Variants in DACH1 observed in about 807,000 individuals in gnomAD.
The protein encoded by DACH1 is dachshund homolog 1.
Under a neutral mutation model 54.2 loss-of-function variants are expected in DACH1, and 12 were observed. The observed-to-expected ratio is 0.22, with a 90% CI of 0.14 to 0.36. The LOEUF is 0.36. Ranked by LOEUF, DACH1 falls within the 10% of genes least tolerant of loss-of-function variation. The pLI is 1.00. For missense variants in DACH1, 805 were observed against 929.8 expected (o/e 0.87, Z 1.75); for synonymous variants, 386 against 366.2 (o/e 1.05, Z -0.62).
intron 1 of DACH1, among the ~76,000 whole-genome samples, chr13:71,848,374 C>G (rs1421385685): frequency 6.6e-6 from 1 of 152,076 alleles, no homozygotes; most frequent in Non-Finnish European, 1.5e-5. Context: ...TGTAATTTTT[C>G]AGAATTCACA....
intron 4 of DACH1, among the ~76,000 whole-genome samples, chr13:71,560,399 T>C (rs1033016144): frequency 4.6e-5 from 7 of 152,144 alleles, no homozygotes; most frequent in Admixed American, 4.6e-4. Flanking sequence ...ATAATAATAA[T>C]ACCAGAGGAG....
At chr13:71,789,923 C>T (rs774710622) in intron 1 of DACH1, among the ~76,000 whole-genome samples, 44 of 152,152 alleles carry the variant, frequency 2.9e-4, no homozygotes, top group Non-Finnish European at 4.9e-4. Flanking sequence ...ATGTCAGTGC[C>T]GGCATACAAA....
chr13:71,454,282 C>A (rs534337701), intron 10 of DACH1, among the ~76,000 whole-genome samples: 1 of 152,148 alleles, frequency 6.6e-6, no homozygotes, highest in Non-Finnish European at 1.5e-5. Flanking sequence ...TGTTCTGATT[C>A]CATTCTCACT....
intron 1 of DACH1, among the ~76,000 whole-genome samples, chr13:71,817,587 G>C (rs1168420390): frequency 6.6e-6 from 1 of 151,980 alleles, no homozygotes; most frequent in Non-Finnish European, 1.5e-5. Context: ...GAAATGTCTG[G>C]GTGGCACATG....
intron 1 of DACH1, among the ~76,000 whole-genome samples, chr13:71,767,454 C>G (rs1885685892): frequency 6.6e-6 from 1 of 152,020 alleles, no homozygotes; most frequent in South Asian, 2.1e-4. Flanking sequence ...GAATCATACA[C>G]TTGACCCATA....
intron 2 of DACH1, chr13:71,675,310 C>T (rs1219118356): frequency 1.2e-6 from 2 of 1,601,102 alleles, no homozygotes; most frequent in African/African-American, 2.7e-5. Flanking sequence ...TAAAACAGAT[C>T]TGCGCTTCCA....
intron 2 of DACH1, among the ~76,000 whole-genome samples, chr13:71,653,993 T>C (rs1487055926): frequency 2.6e-5 from 4 of 152,212 alleles, no homozygotes; most frequent in Non-Finnish European, 4.4e-5. Flanking sequence ...CTGTTAATAA[T>C]TGTACTACAT....
At chr13:71,485,784 T>C (rs1473155475) in intron 7 of DACH1, among the ~76,000 whole-genome samples, 1 of 151,476 alleles carries the variant, frequency 6.6e-6, no homozygotes, top group Admixed American at 6.6e-5. Context: ...GGTTTGACTA[T>C]ATTGGCCAGG....
chr13:71,657,622 G>A (rs369271130), intron 2 of DACH1, among the ~76,000 whole-genome samples: 116 of 147,574 alleles, frequency 7.9e-4, no homozygotes, highest in South Asian at 7.5e-3. Context: ...TCACAATTTC[G>A]TCTGGTGCTC....
chr13:71,803,676 G>A (rs1009786633), intron 1 of DACH1, among the ~76,000 whole-genome samples: 1 of 152,012 alleles, frequency 6.6e-6, no homozygotes, highest in Non-Finnish European at 1.5e-5. Flanking sequence ...CATTTATTTC[G>A]TGGAAAAAGC....
intron 2 of DACH1, among the ~76,000 whole-genome samples, chr13:71,641,106 T>G (rs756432159): frequency 7.2e-5 from 11 of 151,932 alleles, no homozygotes; most frequent in Non-Finnish European, 1.6e-4. Flanking sequence ...TAAGTCTTGT[T>G]TGGGATGAGC....
intron 3 of DACH1, among the ~76,000 whole-genome samples, chr13:71,623,146 A>AT (rs566886780): frequency 2.0e-5 from 3 of 151,812 alleles, no homozygotes; most frequent in East Asian, 1.9e-4. Flanking sequence ...GTGAAAAATG[A>AT]TTTTTTTAAT....
rs138129301 is a variant in DACH1 at position 71,515,620 on chromosome 13, C to T, written c.1571-26472G>A. 1.4e-3 allele frequency among the ~76,000 whole-genome samples: 216 copies of T among 151,942 alleles called. 1 individual carries two copies. The highest frequency in any genetic ancestry group is 4.7e-3 in the African/African-American group (194 of 41,482). On this transcript the variant is annotated intron_variant, in intron 6 of 10. Coordinates refer to ENST00000613252, the MANE Select transcript of DACH1 (RefSeq NM_080759.6). ...ATCTCTGAGTCTTCAGGGACAAAAT[C>T]CCATTATGTGGAGTTCAGTAAAGGG... is the stretch of plus-strand genomic sequence containing the variant.
intron 1 of DACH1, among the ~76,000 whole-genome samples, chr13:71,827,150 T>C (rs1453902681): frequency 6.6e-6 from 1 of 152,074 alleles, no homozygotes; most frequent in Non-Finnish European, 1.5e-5. Flanking sequence ...TTTGCTGCCT[T>C]AGAGTCCAAA....
intron 2 of DACH1, among the ~76,000 whole-genome samples, chr13:71,665,147 A>T (rs1280541593): frequency 1.3e-5 from 2 of 152,010 alleles, no homozygotes; most frequent in Admixed American, 6.6e-5. Flanking sequence ...AACGTTCAGA[A>T]ATAACTCTAA....
chr13:71,576,509 T>C (rs1426060474), intron 3 of DACH1, among the ~76,000 whole-genome samples: 1 of 152,158 alleles, frequency 6.6e-6, no homozygotes, highest in African/African-American at 2.4e-5. Flanking sequence ...CACTTGATAT[T>C]TTTATTGCAT....
intron 2 of DACH1, among the ~76,000 whole-genome samples, chr13:71,650,924 C>A (rs1878618556): frequency 6.6e-6 from 1 of 152,068 alleles, no homozygotes; most frequent in African/African-American, 2.4e-5. Context: ...TCTTGACATT[C>A]AGTTATGAAA....
chr13:71,459,969 A>G (rs1875929576), intron 10 of DACH1, among the ~76,000 whole-genome samples: 3 of 152,060 alleles, frequency 2.0e-5, no homozygotes, highest in Admixed American at 1.3e-4. Context: ...GTTTTATAAA[A>G]TAACATGCAA....
chr13:71,810,943 T>A (rs1010802631), intron 1 of DACH1, among the ~76,000 whole-genome samples: 13 of 152,108 alleles, frequency 8.5e-5, no homozygotes, highest in Non-Finnish European at 1.8e-4. Flanking sequence ...ATTACCAATA[T>A]CCCAGCTCAA....
Sources: gnomAD v4.1 joint callset for allele counts (sites outside exome capture counted in the v4.1 genomes callset) on GRCh38, gnomAD v4.1.1 for gene constraint, MANE v1.5 for transcripts, NCBI Gene and HGNC (gene_info 2026-07-23, HGNC 2026-07-21) for gene names.